Variants in COBLL1 observed in about 807,000 individuals in gnomAD.
COBLL1 encodes the protein cordon-bleu WH2 repeat protein like 1.
Under a neutral mutation model 94.8 loss-of-function variants are expected in COBLL1, and 50 were observed. The ratio of observed to expected loss-of-function variants is 0.53; its 90% CI spans 0.42 to 0.67. COBLL1 has a LOEUF of 0.67. Ranked by LOEUF, COBLL1 falls within the 30% of genes least tolerant of loss-of-function variation. The pLI is 0.00. For synonymous variants in COBLL1, 448 were observed against 473.8 expected, an observed-to-expected ratio of 0.95 and a Z score of 0.71; for missense variants, 1,362 against 1,348.7, an observed-to-expected ratio of 1.01 and a Z score of -0.15.
intron 2 of COBLL1, among the ~76,000 whole-genome samples, chr2:164,665,428 T>C (rs1691142712): frequency 6.7e-6 from 1 of 149,758 alleles, no homozygotes; most frequent in African/African-American, 2.5e-5. Flanking sequence ...AAACAGTCAG[T>C]AACAGGAAAG....
Position 164,699,417 on chromosome 2 carries a change from T to G in COBLL1, c.1543A>C (p.Asn515His). The change falls in exon 11 of 14, where the codon AAC becomes CAC. Residue 515 changes from asparagine to histidine, a missense_variant. Transcript: ENST00000652658. ...SIRNLKSLGP[N>H]QENVVQNEII... ...TTATATAACTCACCATTCTCTTGGTTTGGGCCCAACGACTTCAAGTTTCTT... is the reference window on the plus strand; with the variant it reads ...TTATATAACTCACCATTCTCTTGGTGTGGGCCCAACGACTTCAAGTTTCTT... The G allele has an allele frequency of 6.2e-7, 1 of 1,606,354 alleles. No homozygotes were observed.
chr2:164,687,230 A>C, intron 13 of COBLL1: 1 of 316,296 alleles, frequency 3.2e-6, no homozygotes. Context: ...TTTTTTTTGG[A>C]GAGGAAGTAG....
intron 2 of COBLL1, among the ~76,000 whole-genome samples, chr2:164,757,115 A>G (rs1056234237): frequency 2.0e-5 from 3 of 152,168 alleles, no homozygotes; most frequent in Admixed American, 1.3e-4. Context: ...AATCTCCCCA[A>G]GAGATTCTAA....
intron 2 of COBLL1, among the ~76,000 whole-genome samples, chr2:164,840,265 CTA>C (rs1261190008): frequency 6.6e-6 from 1 of 152,112 alleles, no homozygotes; most frequent in Non-Finnish European, 1.5e-5. Context: ...AGAAAATAAA[CTA>C]TGTTGGAGGA....
chr2:164,830,938 A>G (rs576038491), intron 2 of COBLL1, among the ~76,000 whole-genome samples: 1 of 152,388 alleles, frequency 6.6e-6, no homozygotes, highest in South Asian at 2.1e-4. Flanking sequence ...AACAAAGTTC[A>G]TAGGTAATAA....
chr2:164,795,531 C>T (rs902200916), intron 2 of COBLL1, among the ~76,000 whole-genome samples: 2 of 152,020 alleles, frequency 1.3e-5, no homozygotes, highest in Non-Finnish European at 1.5e-5. Flanking sequence ...ACCAATGACC[C>T]GCTCCCAGTT....
chr2:164,661,175 A>G (rs1691064926), intron 2 of COBLL1, among the ~76,000 whole-genome samples: 1 of 151,186 alleles, frequency 6.6e-6, no homozygotes, highest in African/African-American at 2.4e-5. Flanking sequence ...AAAGAGTGTC[A>G]AAGTTTAAGA....
chr2:164,692,403 A>G lies in COBLL1; in HGVS notation c.3124-6T>C. 1.3e-6 allele frequency: 2 copies of G among 1,584,190 alleles called. No homozygotes were observed. The highest frequency in any genetic ancestry group is 1.4e-5 in the African/African-American group (1 of 73,284). On this transcript the variant is annotated splice_region_variant and splice_polypyrimidine_tract_variant and intron_variant, in intron 12 of 13. Transcript: ENST00000652658. The stretch of plus-strand genomic sequence containing the variant: ...TTATGTGCAGAGTTATTTTCCTACA[A>G]AAATAAATGTGAAATATTTATATGA...
chr2:164,824,038 GA>G (rs1330327057), intron 2 of COBLL1, among the ~76,000 whole-genome samples: 5 of 152,110 alleles, frequency 3.3e-5, no homozygotes, highest in Non-Finnish European at 7.4e-5. Context: ...TAATCCTGAA[GA>G]AAAAGGAATA....
chr2:164,841,938 A>C, upstream of COBLL1: 2 of 1,528,362 alleles, frequency 1.3e-6, no homozygotes, highest in Non-Finnish European at 1.8e-6. This position sits in a 1 kb window ranked among gnomAD's most constrained non-coding sequence, Gnocchi z 5.5. Flanking sequence ...GCCTCGCTGG[A>C]GCCCGCTCTC....
chr2:164,812,693 A>G (rs1459939320), intron 2 of COBLL1, among the ~76,000 whole-genome samples: 1 of 152,030 alleles, frequency 6.6e-6, no homozygotes, highest in East Asian at 1.9e-4. Context: ...AAAATAAAAT[A>G]CATGCTAAGC....
chr2:164,694,286 G>T lies in COBLL1; in HGVS notation c.3106C>A (p.Leu1036Ile). ...SVNKFVDIPQ[L>I]GVSDKENNSA... The stretch of plus-strand genomic sequence containing the variant: ...ACAGTTACCTTATCAGACACACCAA[G>T]CTGTGGGATGTCCACAAATTTATTT... The change falls in exon 12 of 14, where the codon CTT (leucine) becomes ATT (isoleucine). Residue 1036 changes from leucine to isoleucine, a missense_variant. Physicochemically the swap from Leu to Ile is conservative, Grantham distance 5. Coordinates refer to ENST00000652658, the MANE Select transcript of COBLL1 (RefSeq NM_001365672.2). 2 of 1,613,578 alleles carry T rather than the reference G, an allele frequency of 1.2e-6. No individual in the cohort carries two copies. Among genetic ancestry groups the T allele is most frequent in the Non-Finnish European group, 1.7e-6 (2 of 1,179,670 alleles).
At chr2:164,745,404 G>A (rs1686811451) in intron 2 of COBLL1, among the ~76,000 whole-genome samples, 1 of 152,134 alleles carries the variant, frequency 6.6e-6, no homozygotes, top group Admixed American at 6.6e-5. Context: ...TCCCTGTAAA[G>A]AAGAATGCCC....
intron 2 of COBLL1, among the ~76,000 whole-genome samples, chr2:164,750,921 C>A (rs754639433): frequency 1.2e-4 from 19 of 152,170 alleles, no homozygotes; most frequent in Non-Finnish European, 2.5e-4. Context: ...GTCTGAGAAC[C>A]AATGAGACAA....
chr2:164,755,563 C>T (rs1687357334), intron 2 of COBLL1, among the ~76,000 whole-genome samples: 1 of 152,050 alleles, frequency 6.6e-6, no homozygotes, highest in East Asian at 1.9e-4. Flanking sequence ...ACAATAGAAC[C>T]TCTTTGTATC....
intron 3 of COBLL1, among the ~76,000 whole-genome samples, chr2:164,731,984 A>G (rs1686038758): frequency 6.6e-6 from 1 of 152,084 alleles, no homozygotes; most frequent in Non-Finnish European, 1.5e-5. Flanking sequence ...AACACGTTAC[A>G]TAGATTTCAG....
chr2:164,669,800 A>T (rs2105386663), intron 1 of COBLL1, among the ~76,000 whole-genome samples: 1 of 152,358 alleles, frequency 6.6e-6, no homozygotes, highest in South Asian at 2.1e-4. Flanking sequence ...CTCATCTGTA[A>T]ATGGGAATAA....
intron 2 of COBLL1, chr2:164,773,922 GCT>G (rs1326249457): frequency 6.0e-6 from 1 of 167,812 alleles, no homozygotes; most frequent in Non-Finnish European, 1.2e-5. Flanking sequence ...ATTTTCACAG[GCT>G]CTTTTTCTAA....
At chr2:164,807,380 G>A (rs536813735) in intron 2 of COBLL1, among the ~76,000 whole-genome samples, 9 of 151,956 alleles carry the variant, frequency 5.9e-5, no homozygotes, top group African/African-American at 2.2e-4. Context: ...AGAGGCTGCA[G>A]TGAGCCAAGG....
Sources: gnomAD v4.1 joint callset for allele counts (sites outside exome capture counted in the v4.1 genomes callset) on GRCh38, gnomAD v4.1.1 for gene constraint, Gnocchi (gnomAD v3.1) non-coding constraint, MANE v1.5 for transcripts, NCBI Gene and HGNC (gene_info 2026-07-23, HGNC 2026-07-21) for gene names.